The following LMNTD1 variants were observed in gnomAD, a reference collection of about 807,000 sequenced individuals.
The protein encoded by LMNTD1 is lamin tail domain-containing protein 1.
Under a neutral mutation model 50.9 loss-of-function variants are expected in LMNTD1, and 35 were observed. The observed-to-expected ratio is 0.69, with a 90% CI of 0.53 to 0.91. The LOEUF is 0.91. LMNTD1 is among the 40% of genes least tolerant of loss of function. The pLI is 0.00. For missense variants in LMNTD1, 470 were observed against 475.5 expected (o/e 0.99, Z 0.11); for synonymous variants, 153 against 161.9 (o/e 0.94, Z 0.42).
intron 1 of LMNTD1, among the ~76,000 whole-genome samples, chr12:25,576,614 T>A (rs1945030969): frequency 6.6e-6 from 1 of 152,222 alleles, no homozygotes; most frequent in Non-Finnish European, 1.5e-5. Flanking sequence ...ATGGGAAGAT[T>A]GTAAAAATTT....
At chr12:25,488,425 C>T (rs1341762254) in intron 9 of LMNTD1, among the ~76,000 whole-genome samples, 5 of 139,152 alleles carry the variant, frequency 3.6e-5, no homozygotes, top group Non-Finnish European at 7.8e-5. Flanking sequence ...TTGATCGCAT[C>T]GGCTCCTGAG....
At chr12:25,501,178 T>C (rs1306059590) in intron 9 of LMNTD1, among the ~76,000 whole-genome samples, 1 of 151,898 alleles carries the variant, frequency 6.6e-6, no homozygotes, top group Non-Finnish European at 1.5e-5. Flanking sequence ...TTAGTAGAGA[T>C]GGGGTTTCAA....
chr12:25,604,063 T>A (rs1946041625), intron 1 of LMNTD1, among the ~76,000 whole-genome samples: 1 of 152,080 alleles, frequency 6.6e-6, no homozygotes, highest in African/African-American at 2.4e-5. Flanking sequence ...TATTTATGAA[T>A]CAACCCTATC....
intron 1 of LMNTD1, among the ~76,000 whole-genome samples, chr12:25,606,022 G>C (rs1946092481): frequency 6.6e-6 from 1 of 152,142 alleles, no homozygotes; most frequent in African/African-American, 2.4e-5. Flanking sequence ...GCAGTGGTTT[G>C]TAGTTCTCCT....
intron 9 of LMNTD1, among the ~76,000 whole-genome samples, chr12:25,494,078 T>C (rs1938980314): frequency 2.0e-5 from 3 of 152,182 alleles, no homozygotes; most frequent in African/African-American, 7.2e-5. Context: ...GTTTTCTGCA[T>C]AGTAGGAGGC....
At chr12:25,500,449 T>C (rs1939321319) in intron 9 of LMNTD1, among the ~76,000 whole-genome samples, 1 of 152,180 alleles carries the variant, frequency 6.6e-6, no homozygotes, top group South Asian at 2.1e-4. Context: ...AAGAGATATG[T>C]GAACATAGCT....
At chr12:25,597,729 G>C (rs546066821) in intron 1 of LMNTD1, among the ~76,000 whole-genome samples, 1 of 152,216 alleles carries the variant, frequency 6.6e-6, no homozygotes, top group East Asian at 1.9e-4. Flanking sequence ...CATTCTCACG[G>C]ATAAATCATA....
Position 25,548,204 on chromosome 12 carries a change from G to GA in LMNTD1, c.310+1121dup, listed in dbSNP as rs146003508. 1.8e-4 allele frequency among the ~76,000 whole-genome samples: 26 copies of GA among 148,412 alleles called. No individual in the cohort carries two copies. In the East Asian group the frequency reaches 3.5e-3, roughly 20 times the overall value. ...AGGGAATCTGACCATAATGGCAGGA[G>GA]AAAAAAAAACCCTATATAACCCATG... On this transcript the variant is annotated intron_variant, in intron 3 of 9. Transcript: ENST00000458174.
At chr12:25,558,908 C>T (rs565922457) in intron 1 of LMNTD1, among the ~76,000 whole-genome samples, 1 of 152,138 alleles carries the variant, frequency 6.6e-6, no homozygotes, top group African/African-American at 2.4e-5. Context: ...GGACACAGAG[C>T]CAAACAATAT....
intron 8 of LMNTD1, among the ~76,000 whole-genome samples, chr12:25,515,117 A>G (rs948609934): frequency 2.0e-5 from 3 of 152,148 alleles, no homozygotes; most frequent in African/African-American, 7.2e-5. Flanking sequence ...TGTATGCACA[A>G]GTAGACTTGC....
chr12:25,533,568 C>T (rs149279287), intron 4 of LMNTD1, among the ~76,000 whole-genome samples: 340 of 152,158 alleles, frequency 2.2e-3, no homozygotes, highest in Non-Finnish European at 3.9e-3. Context: ...CTGTATATAC[C>T]TAACATTTCC....
intron 9 of LMNTD1, among the ~76,000 whole-genome samples, chr12:25,486,441 C>T (rs1453877119): frequency 6.7e-6 from 1 of 149,098 alleles, no homozygotes; most frequent in Non-Finnish European, 1.5e-5. Context: ...ACAATCATGT[C>T]GTCTGCAAAC....
intron 1 of LMNTD1, among the ~76,000 whole-genome samples, chr12:25,581,195 G>A (rs1266005817): frequency 6.6e-6 from 1 of 152,160 alleles, no homozygotes; most frequent in Non-Finnish European, 1.5e-5. Flanking sequence ...GCTGAGAAAT[G>A]GTCATATGGC....
In LMNTD1 at chr12:25,517,220, G is replaced by T. The variant is rs1201024475; in HGVS notation, c.1189+1575C>A. On this transcript the variant is annotated intron_variant, in intron 8 of 9. Coordinates refer to ENST00000458174, the MANE Select transcript of LMNTD1 (RefSeq NM_001145728.2). Reference sequence around the variant, plus strand: ...TCCCATTACTGGGTATATACCCAAAGGACTATAAATCATGCTGCTATAAAG... The same window carrying T: ...TCCCATTACTGGGTATATACCCAAATGACTATAAATCATGCTGCTATAAAG... Among the ~76,000 whole-genome samples the T allele has an allele frequency of 3.8e-4, 23 of 60,340 alleles. 7 individuals carry two copies. Among genetic ancestry groups the T allele is most frequent in the African/African-American group, 9.4e-4 (23 of 24,482 alleles). 39.6% of individuals were successfully genotyped at this position (60,340 alleles called of 152,430 possible). A position where few individuals can be genotyped will look rare whatever the true frequency, so the allele number is the denominator to read the frequency against.
At chr12:25,535,313 T>C (rs1172480410) in intron 4 of LMNTD1, among the ~76,000 whole-genome samples, 1 of 152,044 alleles carries the variant, frequency 6.6e-6, no homozygotes, top group South Asian at 2.1e-4. Context: ...AGAGCATTAG[T>C]AAACTATGGT....
rs80283715 is a variant in LMNTD1, at chr12:25,519,803, T to C, written c.1016+55A>G. On this transcript the variant is annotated intron_variant, in intron 7 of 9. Transcript: ENST00000458174. Reference sequence around the variant, plus strand: ...TGTCATCTAGTCGTTCCCACATGCTTAGTTACTAATTGTGGGAAGGACCCA... The same window carrying C: ...TGTCATCTAGTCGTTCCCACATGCTCAGTTACTAATTGTGGGAAGGACCCA... 4,257 of 1,127,330 alleles carry C rather than the reference T, an allele frequency of 3.8e-3. 123 individuals are homozygous for C. In the African/African-American group the frequency reaches 0.058, roughly 15 times the overall value. 69.8% of individuals were successfully genotyped at this position (1,127,330 alleles called of 1,614,324 possible). A position where few individuals can be genotyped will look rare whatever the true frequency, so the allele number is the denominator to read the frequency against.
At chr12:25,520,162 A>ATAT (rs1283982875) in intron 6 of LMNTD1, 87 bp from the exon 7 acceptor site, 2 of 217,670 alleles carry the variant, frequency 9.2e-6, no homozygotes, top group African/African-American at 4.9e-5. Context: ...ATATATATAT[A>ATAT]TATATATATA....
At chr12:25,530,576 G>GT (rs751167904) in intron 4 of LMNTD1, among the ~76,000 whole-genome samples, 3 of 152,146 alleles carry the variant, frequency 2.0e-5, no homozygotes, top group African/African-American at 7.2e-5. Flanking sequence ...TCTGAATATT[G>GT]TAAGGCTTCC....
chr12:25,562,979 A>G (rs1397401512), intron 1 of LMNTD1, among the ~76,000 whole-genome samples: 1 of 152,190 alleles, frequency 6.6e-6, no homozygotes, highest in Non-Finnish European at 1.5e-5. Flanking sequence ...CATGGTTTTC[A>G]GCTCCATCAG....
Sources: gnomAD v4.1 joint callset for allele counts (sites outside exome capture counted in the v4.1 genomes callset) on GRCh38, gnomAD v4.1.1 for gene constraint, MANE v1.5 for transcripts, NCBI Gene and HGNC (gene_info 2026-07-23, HGNC 2026-07-21) for gene names.